RIC1: variants seen among roughly 807,000 people sequenced by gnomAD.
RIC1 encodes the protein guanine nucleotide exchange factor subunit RIC1.
RIC1 carries 88 observed loss-of-function variants against 169.0 expected under a neutral mutation model. The ratio of observed to expected loss-of-function variants is 0.52; its 90% CI spans 0.44 to 0.62. The LOEUF is 0.62. RIC1 is among the 20% of genes least tolerant of loss of function. The pLI, the probability that RIC1 is intolerant of heterozygous loss-of-function variation, is 0.00. For missense variants in RIC1, 1,877 were observed against 1,725.5 expected (o/e 1.09, Z -1.56); for synonymous variants, 790 against 601.5 (o/e 1.31, Z -4.59).
intron 1 of RIC1, among the ~76,000 whole-genome samples, chr9:5,633,387 T>C (rs75390132): frequency 0.042 from 6,402 of 152,262 alleles, 236 homozygotes; most frequent in South Asian, 0.18. Context: ...GATGAAAGAA[T>C]GGAGTTCAAA....
At chr9:5,643,958 C>G (rs1278733911) in intron 1 of RIC1, among the ~76,000 whole-genome samples, 1 of 152,152 alleles carries the variant, frequency 6.6e-6, no homozygotes, top group African/African-American at 2.4e-5. Flanking sequence ...GAGTTGCTGT[C>G]ACAAATCTAC....
chr9:5,633,011 TATGTTAGTGTGTTAG>T (rs1394612990), intron 1 of RIC1, among the ~76,000 whole-genome samples: 3 of 152,220 alleles, frequency 2.0e-5, no homozygotes, highest in Non-Finnish European at 2.9e-5. Context: ...AGACATGTTA[TATGTTAGTGTGTTAG>T]ATGTTAGTGT....
chr9:5,645,803 G>A (rs1339602072), intron 1 of RIC1, among the ~76,000 whole-genome samples: 1 of 152,120 alleles, frequency 6.6e-6, no homozygotes, highest in Admixed American at 6.5e-5. Flanking sequence ...TTCATCTGTT[G>A]ATGGACACAT....
intron 3 of RIC1, among the ~76,000 whole-genome samples, chr9:5,711,289 C>T (rs1036915576): frequency 1.3e-5 from 2 of 152,000 alleles, no homozygotes; most frequent in East Asian, 1.9e-4. Context: ...TGTCAACATC[C>T]CCCTCTCCCC....
chr9:5,629,514 C>A, intron 1 of RIC1, 61 bp downstream of exon 1: 9 of 1,480,342 alleles, frequency 6.1e-6, no homozygotes, highest in South Asian at 3.8e-5. Context: ...CGCCGTCCCA[C>A]CCCCAACTTC....
rs1481906641 is a variant in RIC1, at chr9:5,678,107, T to C, written c.253-11852T>C. Among the ~76,000 whole-genome samples the C allele has an allele frequency of 2.0e-5, 3 of 152,140 alleles. No individual in the cohort carries two copies. In the East Asian group the frequency reaches 5.8e-4, roughly 29 times the overall value. ...GTGAGAACATGCGGTGTTTGTTTTT[T>C]TGTCCTTGGGATAGTTTGCTGAGAA... On this transcript the variant is annotated intron_variant, in intron 2 of 25. Transcript: ENST00000414202.
intron 2 of RIC1, among the ~76,000 whole-genome samples, chr9:5,680,015 A>G (rs1406809237): frequency 6.6e-6 from 1 of 152,358 alleles, no homozygotes; most frequent in African/African-American, 2.4e-5. Flanking sequence ...GATACATCCC[A>G]TCAATACCTA....
intron 1 of RIC1, among the ~76,000 whole-genome samples, chr9:5,641,383 G>A (rs567307801): frequency 1.3e-5 from 2 of 151,998 alleles, no homozygotes; most frequent in East Asian, 1.9e-4. Context: ...GAGCCACCGC[G>A]CCCGGCCGCC....
chr9:5,655,586 C>T (rs1819048662), intron 1 of RIC1, among the ~76,000 whole-genome samples: 2 of 152,198 alleles, frequency 1.3e-5, no homozygotes, highest in African/African-American at 4.8e-5. Context: ...CAGGCATGAG[C>T]CGTGGCGCCC....
chr9:5,728,893 T>A (rs1824177825), intron 6 of RIC1, among the ~76,000 whole-genome samples: 1 of 152,188 alleles, frequency 6.6e-6, no homozygotes, highest in African/African-American at 2.4e-5. Context: ...TTAAAATAAT[T>A]TATTGAAAAC....
intron 1 of RIC1, among the ~76,000 whole-genome samples, chr9:5,636,837 C>G (rs1817994860): frequency 1.3e-5 from 2 of 152,094 alleles, no homozygotes; most frequent in South Asian, 4.1e-4. Flanking sequence ...AAGTTTTGCA[C>G]TTATGCTTTA....
At chr9:5,773,868 A>AT (rs1827407327) in intron 25 of RIC1, 90 bp from the exon 26 acceptor site, 8 of 1,238,064 alleles carry the variant, frequency 6.5e-6, no homozygotes, top group East Asian at 2.4e-5. Context: ...CGTCTTTACC[A>AT]TATCAATGTT....
intron 6 of RIC1, among the ~76,000 whole-genome samples, chr9:5,729,473 A>C (rs1259918316): frequency 6.6e-6 from 1 of 152,172 alleles, no homozygotes; most frequent in Non-Finnish European, 1.5e-5. Flanking sequence ...CTTCCCTGTC[A>C]GTTAAGGATT....
chr9:5,645,489 T>A (rs925178105), intron 1 of RIC1, among the ~76,000 whole-genome samples: 1 of 152,220 alleles, frequency 6.6e-6, no homozygotes, highest in African/African-American at 2.4e-5. Context: ...CCACCATCAG[T>A]ATCCAGAACT....
At chr9:5,699,676 G>A (rs1822105302) in intron 3 of RIC1, among the ~76,000 whole-genome samples, 1 of 151,894 alleles carries the variant, frequency 6.6e-6, no homozygotes, top group African/African-American at 2.4e-5. Context: ...ATCAATTTTT[G>A]TAAATAAAAT....
At chr9:5,651,195 C>T (rs1818781352) in intron 1 of RIC1, among the ~76,000 whole-genome samples, 2 of 152,148 alleles carry the variant, frequency 1.3e-5, no homozygotes, top group South Asian at 4.1e-4. Context: ...TTACCTTTCC[C>T]CCACACTGGA....
At chr9:5,777,283 C>T (rs1198133931), downstream of RIC1, among the ~76,000 whole-genome samples, 1 of 149,508 alleles carries the variant, frequency 6.7e-6, no homozygotes, top group Non-Finnish European at 1.5e-5. Flanking sequence ...GGGCTTTTCA[C>T]TTTTTTAGGT....
intron 2 of RIC1, among the ~76,000 whole-genome samples, chr9:5,684,476 C>A (rs1044698890): frequency 6.6e-6 from 1 of 151,998 alleles, no homozygotes; most frequent in Non-Finnish European, 1.5e-5. Flanking sequence ...ACAAGTATTT[C>A]ATCTCTTTTG....
rs1243650842 is a variant in RIC1 at position 5,757,560 on chromosome 9, T to G, written c.1992+109T>G. On this transcript the variant is annotated intron_variant, in intron 17 of 25. Transcript: ENST00000414202. ...AAATAAATACTAAGTGTCTAAAATGTACCTTATATGAGAATGCTGGGTTGC... is the reference window on the plus strand; with the variant it reads ...AAATAAATACTAAGTGTCTAAAATGGACCTTATATGAGAATGCTGGGTTGC... The G allele has an allele frequency of 6.6e-5, 77 of 1,159,328 alleles. 1 individual carries two copies. The East Asian group carries it at 1.9e-3, about 28-fold the overall frequency. The allele number at this position is 1,159,328 out of a possible 1,614,324, so 71.8% of individuals were successfully genotyped here. A position where few individuals can be genotyped will look rare whatever the true frequency, so the allele number is the denominator to read the frequency against.
Sources: allele counts gnomAD v4.1 joint callset (sites outside exome capture counted in the v4.1 genomes callset), GRCh38; gene constraint gnomAD v4.1.1; transcripts MANE v1.5; gene names NCBI Gene and HGNC (gene_info 2026-07-23, HGNC 2026-07-21).